Variants in TRIB3 observed in about 807,000 individuals in gnomAD.
The protein encoded by TRIB3 is tribbles homolog 3.
Under a neutral mutation model 16.6 loss-of-function variants are expected in TRIB3, and 20 were observed. The observed-to-expected ratio is 1.20, with a 90% CI of 0.85 to 1.75. The LOEUF is 1.75. Among genes scored for constraint, TRIB3 ranks in the 40% most tolerant of loss-of-function variants. TRIB3 has a pLI of 0.00. For missense variants in TRIB3, 484 were observed against 488.9 expected, an observed-to-expected ratio of 0.99 and a Z score of 0.10; for synonymous variants, 208 against 217.0, an observed-to-expected ratio of 0.96 and a Z score of 0.36.
chr20:391,046 C>T (rs150148257), intron 2 of TRIB3, among the ~76,000 whole-genome samples: 10 of 147,446 alleles, frequency 6.8e-5, no homozygotes, highest in East Asian at 4.0e-4. Flanking sequence ...GGAGTGCATA[C>T]GTGCAAATCT....
intron 2 of TRIB3, among the ~76,000 whole-genome samples, chr20:389,336 C>T (rs548643489): frequency 1.3e-5 from 2 of 152,198 alleles, no homozygotes; most frequent in African/African-American, 2.4e-5. Context: ...CTAGGATAAG[C>T]GTTTCACACA....
chr20:388,143 CCCTG>C lies in TRIB3; in HGVS notation c.138_141del (p.Leu47CysfsTer3). On this transcript the variant is annotated frameshift_variant, in exon 2 of 4. Transcript: ENST00000217233. LOFTEE classifies it high-confidence loss of function. ...AAGTGGGCCCCAGCCCAGACTGCCCCCCTGCCTGTTGCCCCTGAGCCCACCTACT... is the reference window on the plus strand; with the variant it reads ...AAGTGGGCCCCAGCCCAGACTGCCCCCCTGTTGCCCCTGAGCCCACCTACT... The C allele has an allele frequency of 6.2e-7, 1 of 1,614,146 alleles. No homozygotes were observed. The highest frequency in any genetic ancestry group is 8.5e-7 in the Non-Finnish European group (1 of 1,180,036).
At chr20:389,576 C>T (rs1326179895) in intron 2 of TRIB3, among the ~76,000 whole-genome samples, 1 of 152,162 alleles carries the variant, frequency 6.6e-6, no homozygotes, top group Non-Finnish European at 1.5e-5. Flanking sequence ...CTCTTGTGCA[C>T]AGATCTCCAG....
chr20:383,163 G>A (rs2014708925), intron 1 of TRIB3, among the ~76,000 whole-genome samples: 4 of 152,134 alleles, frequency 2.6e-5, no homozygotes, highest in African/African-American at 9.7e-5. Context: ...CGTGAATGGT[G>A]GCTTTCCTTT....
intron 1 of TRIB3, among the ~76,000 whole-genome samples, chr20:386,527 G>A (rs1233296305): frequency 6.6e-6 from 1 of 152,024 alleles, no homozygotes; most frequent in African/African-American, 2.4e-5. Flanking sequence ...TCCTGCCTCA[G>A]CCTTCCCAGT....
chr20:394,755 C>A (rs2015079561), intron 3 of TRIB3, among the ~76,000 whole-genome samples: 1 of 151,030 alleles, frequency 6.6e-6, no homozygotes, highest in Non-Finnish European at 1.5e-5. Context: ...CACTGCACTC[C>A]AGCCTGGGTG....
chr20:384,326 C>T (rs1450432106), intron 1 of TRIB3, among the ~76,000 whole-genome samples: 1 of 152,132 alleles, frequency 6.6e-6, no homozygotes, highest in East Asian at 1.9e-4. Context: ...AATATAGAAA[C>T]AGCCACTTAA....
chr20:392,455 A>C (rs1293701011), intron 3 of TRIB3, among the ~76,000 whole-genome samples: 1 of 152,130 alleles, frequency 6.6e-6, no homozygotes, highest in Non-Finnish European at 1.5e-5. Context: ...CCACAGCCAA[A>C]ATAGGGTCTG....
In TRIB3 at chr20:396,660, G is replaced by A; in HGVS notation, c.1047G>A (p.Glu349=). ...GLGLDEAREE[E]GDREVVLYG is the part of the protein sequence containing the mutation. ...GGCTGGACGAAGCCAGGGAAGAGGA[G>A]GGAGACAGAGAAGTGGTTCTGTATG... is the stretch of plus-strand genomic sequence containing the variant. The change falls in exon 4 of 4, where the codon GAG becomes GAA. Residue 349 remains glutamate, a synonymous_variant. Coordinates refer to ENST00000217233, the MANE Select transcript of TRIB3 (RefSeq NM_021158.5). The A allele has an allele frequency of 6.2e-7, 1 of 1,612,276 alleles. No individual in the cohort carries two copies.
At position 391,594 on chromosome 20, in the gene TRIB3, A is replaced by G; in HGVS notation, c.584+15A>G. 1.3e-6 allele frequency: 2 copies of G among 1,597,974 alleles called. No homozygotes were observed. Among genetic ancestry groups the G allele is most frequent in the Non-Finnish European group, 1.7e-6 (2 of 1,170,418 alleles). On this transcript the variant is annotated intron_variant, in intron 3 of 3. Transcript: ENST00000217233. ...GACCGTGAGAGGTGAGTGTGGTCTC[A>G]GAGACCCCAGCCACAGACACACCCA... is the stretch of plus-strand genomic sequence containing the variant.
intron 2 of TRIB3, among the ~76,000 whole-genome samples, chr20:390,174 A>G (rs1360167283): frequency 6.6e-6 from 1 of 152,052 alleles, no homozygotes; most frequent in Admixed American, 6.6e-5. Flanking sequence ...TAAAAATACA[A>G]AAAATTAGCC....
At chr20:381,758 A>AGGGAGT (rs1274772618) in intron 1 of TRIB3, among the ~76,000 whole-genome samples, 1 of 151,742 alleles carries the variant, frequency 6.6e-6, no homozygotes, top group African/African-American at 2.4e-5. Context: ...GGGGGAGCCG[A>AGGGAGT]GGGAGTGGGA....
In TRIB3 at chr20:391,549, T is replaced by C; in HGVS notation, c.554T>C (p.Leu185Pro). The C allele has an allele frequency of 6.2e-7, 1 of 1,611,832 alleles. No homozygotes were observed. The highest frequency in any genetic ancestry group is 8.5e-7 in the Non-Finnish European group (1 of 1,178,832). The change falls in exon 3 of 4, where the codon CTG (leucine) becomes CCG (proline). Residue 185 changes from leucine to proline, a missense_variant. Coordinates refer to ENST00000217233, the MANE Select transcript of TRIB3 (RefSeq NM_021158.5). The stretch of plus-strand genomic sequence containing the variant: ...GGTCTGGTCCTGCGTGATCTCAAGC[T>C]GTGTCGCTTTGTCTTCGCTGACCGT... ...QHGLVLRDLK[L>P]CRFVFADRER...
rs2014974742 is a variant in TRIB3 at position 391,408 on chromosome 20, C to G, written c.413C>G (p.Thr138Ser). ...ACCCAGCTCCTCTACGCCTTTTTCA[C>G]TCGGACCCATGGGGACATGCACAGC... The part of the protein sequence containing the change: ...AGTQLLYAFF[T>S]RTHGDMHSLV... The change falls in exon 3 of 4, where the codon ACT becomes AGT. Residue 138 changes from threonine to serine, a missense_variant. Physicochemically the swap from Thr to Ser is moderately conservative, Grantham distance 58. Coordinates refer to ENST00000217233, the MANE Select transcript of TRIB3 (RefSeq NM_021158.5). 9.9e-6 allele frequency: 16 copies of G among 1,613,776 alleles called. 2 individuals carry two copies. The highest frequency in any genetic ancestry group is 1.7e-5 in the Admixed American group (1 of 59,994).
rs566662502 is a variant in TRIB3 at position 395,075 on chromosome 20, A to C, written c.585-1123A>C. Among the ~76,000 whole-genome samples the C allele has an allele frequency of 9.8e-4, 149 of 152,200 alleles. 1 individual carries two copies. Among genetic ancestry groups the C allele is most frequent in the Non-Finnish European group, 1.5e-3 (100 of 68,046 alleles). ...ATGCCATAAAGAAGAAACTAATAGC[A>C]GTGGTAATAGAATGATTACTATTAA... On this transcript the variant is annotated intron_variant, in intron 3 of 3. Transcript: ENST00000217233.
chr20:396,066 C>T (rs2015114520), intron 3 of TRIB3, 132 bp from the exon 4 acceptor site: 25 of 1,356,122 alleles, frequency 1.8e-5, no homozygotes, highest in Non-Finnish European at 2.5e-5. Context: ...GATCAGACAT[C>T]ACAGGACTGG....
At chr20:386,039 T>A (rs533327217) in intron 1 of TRIB3, among the ~76,000 whole-genome samples, 1 of 152,016 alleles carries the variant, frequency 6.6e-6, no homozygotes, top group Admixed American at 6.5e-5. Flanking sequence ...AAAAAAATTT[T>A]TTTTTGTAGA....
At chr20:387,313 G>A (rs2014845370) in intron 1 of TRIB3, among the ~76,000 whole-genome samples, 2 of 152,118 alleles carry the variant, frequency 1.3e-5, no homozygotes, top group South Asian at 4.1e-4. Context: ...GGTCGAGGCT[G>A]CAAGTGAACT....
At chr20:382,721 G>A (rs976940256) in intron 1 of TRIB3, 26 of 858,610 alleles carry the variant, frequency 3.0e-5, no homozygotes, top group Middle Eastern at 2.2e-4. Flanking sequence ...CAGGAACTGA[G>A]GCTCAGAAAG....
Sources: gnomAD v4.1 joint callset for allele counts (sites outside exome capture counted in the v4.1 genomes callset) on GRCh38, gnomAD v4.1.1 for gene constraint, MANE v1.5 for transcripts, NCBI Gene and HGNC (gene_info 2026-07-23, HGNC 2026-07-21) for gene names.